The following SLC4A4 variants were observed in gnomAD, a reference collection of about 807,000 sequenced individuals.
SLC4A4 encodes solute carrier family 4 member 4.
SLC4A4 carries 27 observed loss-of-function variants against 111.5 expected under a neutral mutation model. The observed-to-expected ratio is 0.24, with a 90% CI of 0.18 to 0.33. The LOEUF (loss-of-function observed/expected upper bound fraction) is 0.33, where lower values mean the gene tolerates loss of function less well. SLC4A4 is among the 10% of genes least tolerant of loss of function. The pLI, the probability that SLC4A4 is intolerant of heterozygous loss-of-function variation, is 1.00. For missense variants in SLC4A4, 909 were observed against 1,315.5 expected (o/e 0.69, Z 4.78); for synonymous variants, 443 against 463.4 (o/e 0.96, Z 0.57).
intron 1 of SLC4A4, among the ~76,000 whole-genome samples, chr4:71,226,497 T>C (rs1309884433): frequency 6.6e-6 from 1 of 152,192 alleles, no homozygotes; most frequent in Non-Finnish European, 1.5e-5. Flanking sequence ...TTTGAGAGTA[T>C]AGTTATAGTC....
At chr4:71,124,310 T>G (rs961993302) in intron 2 of SLC4A4, among the ~76,000 whole-genome samples, 2 of 152,056 alleles carry the variant, frequency 1.3e-5, no homozygotes, top group Non-Finnish European at 2.9e-5. Flanking sequence ...CAGCTGGGAC[T>G]ACAGGTGCCC....
chr4:71,306,865 C>G (rs2148848263), intron 3 of SLC4A4, among the ~76,000 whole-genome samples: 1 of 152,212 alleles, frequency 6.6e-6, no homozygotes, highest in East Asian at 1.9e-4. Flanking sequence ...TTCGCCTGCT[C>G]TTGCTTTAAA....
At chr4:71,351,768 C>T (rs762846774) in intron 5 of SLC4A4, among the ~76,000 whole-genome samples, 4 of 152,158 alleles carry the variant, frequency 2.6e-5, no homozygotes, top group Non-Finnish European at 4.4e-5. Context: ...TTATTTTATA[C>T]ATTTATTCAG....
Position 71,229,200 on chromosome 4 carries a change from C to T in SLC4A4, c.-1-7376C>T, listed in dbSNP as rs147905160. 8.0e-3 allele frequency among the ~76,000 whole-genome samples: 1,221 copies of T among 152,234 alleles called. 6 individuals carry two copies. The highest frequency in any genetic ancestry group is 0.012 in the Non-Finnish European group (789 of 68,022). On this transcript the variant is annotated intron_variant, in intron 1 of 25. Transcript: ENST00000264485. ...GAGCTTTTCTCACTCAGCATAACCCCCTGGAAATTCATTCAATTTGGTGTG... is the reference window on the plus strand; with the variant it reads ...GAGCTTTTCTCACTCAGCATAACCCTCTGGAAATTCATTCAATTTGGTGTG...
chr4:71,312,542 A>G (rs1286441362), intron 3 of SLC4A4, among the ~76,000 whole-genome samples: 1 of 152,206 alleles, frequency 6.6e-6, no homozygotes, highest in African/African-American at 2.4e-5. Context: ...TGGCAAACCA[A>G]ATCAAGCAGC....
intron 14 of SLC4A4, among the ~76,000 whole-genome samples, chr4:71,476,035 T>G (rs1395526452): frequency 6.6e-6 from 1 of 151,816 alleles, no homozygotes; most frequent in African/African-American, 2.4e-5. Flanking sequence ...AAGATATATA[T>G]GTGAACATGA....
chr4:71,178,631 T>C (rs1282305863), intron 2 of SLC4A4, among the ~76,000 whole-genome samples: 3 of 152,262 alleles, frequency 2.0e-5, no homozygotes, highest in African/African-American at 7.2e-5. Context: ...CCTCAACCCA[T>C]ACACCCTCCC....
chr4:71,502,751 A>G (rs1560567411), intron 16 of SLC4A4, among the ~76,000 whole-genome samples: 2 of 152,172 alleles, frequency 1.3e-5, no homozygotes, highest in Non-Finnish European at 1.5e-5. Flanking sequence ...AGCCTAGCAT[A>G]TGATCTGTCC....
chr4:71,405,225 A>G (rs749152291), intron 7 of SLC4A4, among the ~76,000 whole-genome samples: 2 of 152,196 alleles, frequency 1.3e-5, no homozygotes, highest in Non-Finnish European at 2.9e-5. Flanking sequence ...AAATTTAAAC[A>G]AAGCAAAAAT....
intron 2 of SLC4A4, among the ~76,000 whole-genome samples, chr4:71,127,893 C>T (rs147979563): frequency 7.8e-4 from 118 of 152,190 alleles, no homozygotes; most frequent in African/African-American, 2.6e-3. Context: ...AGAGCCAAGG[C>T]GGGAGGATCA....
chr4:71,443,116 C>CTCTCTCTCTATATATATA (rs1198759861), intron 8 of SLC4A4, among the ~76,000 whole-genome samples: 8 of 65,654 alleles, frequency 1.2e-4, no homozygotes, highest in African/African-American at 5.2e-4. Flanking sequence ...CTCTCTCTCT[C>CTCTCTCTCTATATATATA]TATATATATA....
chr4:71,192,024 C>T (rs1038995309), intron 1 of SLC4A4, among the ~76,000 whole-genome samples: 1 of 151,914 alleles, frequency 6.6e-6, no homozygotes, highest in Admixed American at 6.5e-5. Flanking sequence ...TGTTTAACAC[C>T]GCTGTAATAT....
chr4:71,556,347 C>G lies in SLC4A4; in HGVS notation c.2763+1139C>G, dbSNP rs541083072. ...GTAAAAATATTTTATTTTTACCTGC[C>G]ATTGTAAATATTCTTTATTTCCCAA... On this transcript the variant is annotated intron_variant, in intron 21 of 25. Transcript: ENST00000264485. 1.7e-4 allele frequency among the ~76,000 whole-genome samples: 26 copies of G among 151,902 alleles called. No individual in the cohort carries two copies. The South Asian group carries it at 5.4e-3, about 32-fold the overall frequency.
intron 3 of SLC4A4, among the ~76,000 whole-genome samples, chr4:71,314,495 T>G (rs1726502134): frequency 6.6e-6 from 1 of 152,148 alleles, no homozygotes; most frequent in Non-Finnish European, 1.5e-5. Flanking sequence ...CTGTTTACAA[T>G]AGCAACAACT....
In SLC4A4 at chr4:71,161,864, C is replaced by T. The variant is rs370023707; in HGVS notation, c.-2+69072C>T. 3.9e-5 allele frequency among the ~76,000 whole-genome samples: 6 copies of T among 152,166 alleles called. No homozygotes were observed. In the East Asian group the frequency reaches 9.6e-4, roughly 24 times the overall value. ...TGTATACCTACATGGATTATTTAATCTGTTCTCAGAGTTTATGAAAGGAAT... is the reference window on the plus strand; with the variant it reads ...TGTATACCTACATGGATTATTTAATTTGTTCTCAGAGTTTATGAAAGGAAT... On this transcript the variant is annotated intron_variant, in intron 2 of 26. Transcript: ENST00000649996.
intron 14 of SLC4A4, among the ~76,000 whole-genome samples, chr4:71,481,342 G>T (rs1728864174): frequency 6.6e-6 from 1 of 151,622 alleles, no homozygotes; most frequent in South Asian, 2.1e-4. Flanking sequence ...GTTCCTGATG[G>T]TACAGTTCCT....
At chr4:71,311,910 A>AGAGAGAGAGT in intron 3 of SLC4A4, among the ~76,000 whole-genome samples, 1 of 151,222 alleles carries the variant, frequency 6.6e-6, no homozygotes. Context: ...AGAGAGAGAG[A>AGAGAGAGAGT]GAGAGAGAGA....
At chr4:71,474,597 A>G (rs1450171110) in intron 14 of SLC4A4, among the ~76,000 whole-genome samples, 1 of 151,886 alleles carries the variant, frequency 6.6e-6, no homozygotes. Flanking sequence ...TTCCCTCACA[A>G]TAGGCAGTCA....
At chr4:71,322,295 G>C (rs1018974546) in intron 3 of SLC4A4, among the ~76,000 whole-genome samples, 1 of 151,966 alleles carries the variant, frequency 6.6e-6, no homozygotes, top group African/African-American at 2.4e-5. Context: ...GCAATGTGGG[G>C]ATGAAGTCAG....
Sources: gnomAD v4.1 joint callset for allele counts (sites outside exome capture counted in the v4.1 genomes callset) on GRCh38, gnomAD v4.1.1 for gene constraint, MANE v1.5 for transcripts, NCBI Gene and HGNC (gene_info 2026-07-23, HGNC 2026-07-21) for gene names.